MKLN1: variants seen among roughly 807,000 people sequenced by gnomAD.
The protein encoded by MKLN1 is muskelin 1.
Under a neutral mutation model 99.0 loss-of-function variants are expected in MKLN1, and 18 were observed. That is an observed-to-expected ratio of 0.18 (90% CI 0.13 to 0.27). MKLN1 has a LOEUF of 0.27. Ranked by LOEUF, MKLN1 falls within the 10% of genes least tolerant of loss-of-function variation. The probability of loss-of-function intolerance (pLI) is 1.00; values close to 1 mark genes in which losing one functional copy is unlikely to be tolerated. For synonymous variants in MKLN1, 288 were observed against 293.2 expected, an observed-to-expected ratio of 0.98 and a Z score of 0.18; for missense variants, 621 against 875.9, an observed-to-expected ratio of 0.71 and a Z score of 3.67.
Position 131,387,138 on chromosome 7 carries a change from G to A in MKLN1, c.187G>A (p.Glu63Lys). 1.3e-6 allele frequency: 2 copies of A among 1,598,628 alleles called. No individual in the cohort carries two copies. The highest frequency in any genetic ancestry group is 2.3e-5 in the South Asian group (2 of 87,508). ...TTTTTAGTACTTGATTCTAAAGCTC[G>A]AAAGGCCTGCTATAGTTCAGAATAT... Reference protein sequence around the residue: ...YPPQYLILKLERPAIVQNITF... With the variant: ...YPPQYLILKLKRPAIVQNITF... The change falls in exon 3 of 18, where the codon GAA (glutamate) becomes AAA (lysine). Residue 63 changes from glutamate (E) to lysine (K), a missense_variant. Transcript: ENST00000352689.
Position 131,437,916 on chromosome 7 carries a change from T to C in MKLN1, c.1092T>C (p.Tyr364=). 2 of 1,613,988 alleles carry C rather than the reference T, an allele frequency of 1.2e-6. No homozygotes were observed. Among genetic ancestry groups the C allele is most frequent in the Non-Finnish European group, 1.7e-6 (2 of 1,179,884 alleles). ...CTCTGAAAAGTGACTTCTATCGTTA[T>C]GACATTGATACAAACACATGGATGT... ...SKSLKSDFYR[Y]DIDTNTWMLL... The change falls in exon 10 of 18, where the codon TAT becomes TAC. Residue 364 remains tyrosine (Y), a synonymous_variant. Transcript: ENST00000352689.
chr7:131,257,427 C>G (rs545803613), intron 3 of MKLN1, among the ~76,000 whole-genome samples: 1 of 152,150 alleles, frequency 6.6e-6, no homozygotes, highest in African/African-American at 2.4e-5. Context: ...CAAAACAAAC[C>G]AAAACTTATG....
chr7:131,363,825 C>T (rs1800099613), intron 1 of MKLN1, among the ~76,000 whole-genome samples: 1 of 150,202 alleles, frequency 6.7e-6, no homozygotes, highest in African/African-American at 2.4e-5. Flanking sequence ...TTATCACAGT[C>T]TGTAATTACC....
At chr7:131,166,934 G>C (rs1272532537) in intron 2 of MKLN1, among the ~76,000 whole-genome samples, 1 of 151,980 alleles carries the variant, frequency 6.6e-6, no homozygotes, top group East Asian at 1.9e-4. Flanking sequence ...CAGGTGATCT[G>C]CCTGCCATGG....
intron 3 of MKLN1, among the ~76,000 whole-genome samples, chr7:131,222,531 T>C (rs1797074631): frequency 6.6e-6 from 1 of 152,182 alleles, no homozygotes; most frequent in South Asian, 2.1e-4. Flanking sequence ...GCATCTCCCC[T>C]AAGGTATAAC....
At chr7:131,400,644 A>G (rs976141306) in intron 6 of MKLN1, among the ~76,000 whole-genome samples, 1 of 151,552 alleles carries the variant, frequency 6.6e-6, no homozygotes, top group African/African-American at 2.4e-5. Flanking sequence ...ATTTATCAGT[A>G]AGGCATTTGA....
intron 3 of MKLN1, among the ~76,000 whole-genome samples, chr7:131,240,112 T>C (rs1303522952): frequency 6.6e-6 from 1 of 152,054 alleles, no homozygotes; most frequent in African/African-American, 2.4e-5. Flanking sequence ...GCCCAGGAAG[T>C]CGAGACTGCA....
chr7:131,418,853 A>T (rs532601742), intron 8 of MKLN1, among the ~76,000 whole-genome samples: 9 of 152,318 alleles, frequency 5.9e-5, no homozygotes, highest in African/African-American at 2.2e-4. Context: ...AAGCAGAAAT[A>T]TGAGGAAACA....
intron 14 of MKLN1, among the ~76,000 whole-genome samples, chr7:131,465,492 T>C (rs1562880074): frequency 6.6e-6 from 1 of 152,240 alleles, no homozygotes; most frequent in Non-Finnish European, 1.5e-5. Flanking sequence ...ACAAATTATA[T>C]GTGCCATTTA....
At chr7:131,447,735 A>G (rs1206322169) in intron 12 of MKLN1, among the ~76,000 whole-genome samples, 2 of 152,232 alleles carry the variant, frequency 1.3e-5, no homozygotes, top group Non-Finnish European at 2.9e-5. Flanking sequence ...TCTAGCTAGT[A>G]GGTAATGTAT....
chr7:131,474,155 A>C (rs1465583591), intron 16 of MKLN1, among the ~76,000 whole-genome samples: 1 of 152,228 alleles, frequency 6.6e-6, no homozygotes, highest in African/African-American at 2.4e-5. Flanking sequence ...AGCTCAGCCC[A>C]AAGTAATAGT....
chr7:131,426,503 G>A (rs980337775), intron 8 of MKLN1, among the ~76,000 whole-genome samples: 5 of 152,102 alleles, frequency 3.3e-5, no homozygotes. Flanking sequence ...TTTGGAAACA[G>A]AATGTTACTT....
At chr7:131,371,709 A>T (rs1457324775) in intron 1 of MKLN1, among the ~76,000 whole-genome samples, 1 of 151,912 alleles carries the variant, frequency 6.6e-6, no homozygotes, top group Non-Finnish European at 1.5e-5. Flanking sequence ...TCTTCATAGT[A>T]ACATTATTCT....
rs191327416 is a variant in MKLN1, at chr7:131,225,437, G to C, written c.-179+22463G>C. The stretch of plus-strand genomic sequence containing the variant: ...TTTCAATACATGAAATTTGGGGAGA[G>C]ACAAACACTCAGTCCATAGCAGCTG... On this transcript the variant is annotated intron_variant, in intron 3 of 7. Transcript: ENST00000416992. 1.7e-4 allele frequency among the ~76,000 whole-genome samples: 26 copies of C among 152,262 alleles called. No individual in the cohort carries two copies. In the East Asian group the frequency reaches 5.0e-3, roughly 29 times the overall value.
At chr7:131,297,244 C>T (rs957572910) in intron 3 of MKLN1, among the ~76,000 whole-genome samples, 21 of 152,074 alleles carry the variant, frequency 1.4e-4, no homozygotes, top group African/African-American at 5.1e-4. Context: ...GCCTGTAGTT[C>T]CCGCTACTTG....
chr7:131,412,874 A>T (rs1794918106), intron 7 of MKLN1, among the ~76,000 whole-genome samples: 1 of 152,178 alleles, frequency 6.6e-6, no homozygotes, highest in African/African-American at 2.4e-5. Context: ...ATTGCATATT[A>T]ATATGCAGGG....
At chr7:131,356,684 A>G (rs1431652414) in intron 1 of MKLN1, among the ~76,000 whole-genome samples, 1 of 152,150 alleles carries the variant, frequency 6.6e-6, no homozygotes, top group East Asian at 1.9e-4. Context: ...GGTCCCCTGT[A>G]GAAGGGTGAT....
intron 2 of MKLN1, among the ~76,000 whole-genome samples, chr7:131,145,592 A>G (rs1014171157): frequency 6.6e-6 from 1 of 152,240 alleles, no homozygotes; most frequent in African/African-American, 2.4e-5. Flanking sequence ...TGGTGCACAG[A>G]GTTATTCAGA....
chr7:131,126,560 A>T (rs530340988), intron 1 of MKLN1, among the ~76,000 whole-genome samples: 113 of 151,446 alleles, frequency 7.5e-4, no homozygotes, highest in Non-Finnish European at 1.4e-3. Context: ...TACCATATAT[A>T]TTTTTTTTTC....
Sources: gnomAD v4.1 joint callset for allele counts (sites outside exome capture counted in the v4.1 genomes callset) on GRCh38, gnomAD v4.1.1 for gene constraint, MANE v1.5 for transcripts, NCBI Gene and HGNC (gene_info 2026-07-23, HGNC 2026-07-21) for gene names.